SORL1-AS1: variants seen among roughly 807,000 people sequenced by gnomAD.
The protein encoded by SORL1-AS1 is SORL1 antisense RNA 1.
Position 121,452,472 on chromosome 11 carries a change from C to T in SORL1-AS1, n.339+203G>A. 2 of 1,505,904 alleles carry T rather than the reference C, an allele frequency of 1.3e-6. No individual in the cohort carries two copies. Among genetic ancestry groups the T allele is most frequent in the Non-Finnish European group, 8.9e-7 (1 of 1,128,402 alleles). The allele number at this position is 1,505,904 out of a possible 1,614,324, so 93.3% of individuals were successfully genotyped here. On this transcript the variant is annotated intron_variant and non_coding_transcript_variant, in intron 1 of 1. Transcript: ENST00000501964. This position sits in a 1 kb window ranked among gnomAD's most constrained non-coding sequence, Gnocchi z 5.3. Reference sequence around the variant, plus strand: ...GCGCGCCCTTGCCCCAGGACCGGGGCTTCCTCGTGGTGCAGGGCGACCCGC... The same window carrying T: ...GCGCGCCCTTGCCCCAGGACCGGGGTTTCCTCGTGGTGCAGGGCGACCCGC...
At chr11:121,445,400 C>G (rs889705031), downstream of SORL1-AS1, among the ~76,000 whole-genome samples, 2 of 152,174 alleles carry the variant, frequency 1.3e-5, no homozygotes, top group Non-Finnish European at 2.9e-5. Flanking sequence ...CCTGGCTGCA[C>G]GGCCTCCACG....
At chr11:121,441,830 C>G in the SORL1-AS1 span, among the ~76,000 whole-genome samples, 59 of 152,280 alleles carry the variant, frequency 3.9e-4, no homozygotes, top group East Asian at 0.011. Context: ...GAGAAACACA[C>G]TTTTGTCTTG....
At chr11:121,446,201 A>G (rs1366304112), downstream of SORL1-AS1, among the ~76,000 whole-genome samples, 43 of 152,146 alleles carry the variant, frequency 2.8e-4, no homozygotes, top group Non-Finnish European at 4.4e-4. Flanking sequence ...AGGGGAATAG[A>G]CTCCAAGACA....
At chr11:121,446,104 C>CG (rs1366622252), downstream of SORL1-AS1, among the ~76,000 whole-genome samples, 2 of 152,080 alleles carry the variant, frequency 1.3e-5, no homozygotes, top group African/African-American at 4.8e-5. Flanking sequence ...GTGTGAGGAG[C>CG]GGGGGTGGGG....
downstream of SORL1-AS1, among the ~76,000 whole-genome samples, chr11:121,445,339 C>T (rs920635112): frequency 8.5e-5 from 13 of 152,164 alleles, no homozygotes; most frequent in African/African-American, 2.9e-4. Flanking sequence ...ATTTGGAACA[C>T]GTGTTGTGGC....
the SORL1-AS1 span, among the ~76,000 whole-genome samples, chr11:121,438,200 T>C: frequency 6.6e-6 from 1 of 152,198 alleles, no homozygotes; most frequent in Admixed American, 6.5e-5. Flanking sequence ...ACTCCCAATT[T>C]GAACCGTCCA....
At position 121,452,150 on chromosome 11, in the gene SORL1-AS1, C is replaced by T; in HGVS notation, n.339+525G>A. Reference sequence around the variant, plus strand: ...CTGCGAGCCTCACACGTGACGGCGCCGCGCCGAACCGAGCGGGACCTGGCG... The same window carrying T: ...CTGCGAGCCTCACACGTGACGGCGCTGCGCCGAACCGAGCGGGACCTGGCG... On this transcript the variant is annotated intron_variant and non_coding_transcript_variant, in intron 1 of 1. Coordinates refer to ENST00000501964, the Ensembl canonical transcript of SORL1-AS1. This position sits in a 1 kb window ranked among gnomAD's most constrained non-coding sequence, Gnocchi z 5.3. 5.8e-6 allele frequency: 1 copy of T among 172,510 alleles called. No homozygotes were observed. Among genetic ancestry groups the T allele is most frequent in the Non-Finnish European group, 1.1e-5 (1 of 87,422 alleles). 10.7% of individuals were successfully genotyped at this position (172,510 alleles called of 1,614,324 possible).
chr11:121,448,428 A>G (rs1448974681), exon 2 of SORL1-AS1: 2 of 152,330 alleles, frequency 1.3e-5, no homozygotes, highest in East Asian at 1.9e-4. Flanking sequence ...GGTGAGGTCA[A>G]TGGTAGTTAT....
In SORL1-AS1 at chr11:121,452,637, C is replaced by A. The variant is rs756853319; in HGVS notation, n.339+38G>T. ...GACAGGTGAGCAGTTTTGCAACCCG[C>A]CTCCCTCCAGTTTTTTCCTCTCCCT... On this transcript the variant is annotated intron_variant and non_coding_transcript_variant, in intron 1 of 1. Coordinates refer to ENST00000501964, the Ensembl canonical transcript of SORL1-AS1. This position sits in a 1 kb window ranked among gnomAD's most constrained non-coding sequence, Gnocchi z 5.3. 23 of 1,438,766 alleles carry A rather than the reference C, an allele frequency of 1.6e-5. No homozygotes were observed. The East Asian group carries it at 6.2e-4, about 39-fold the overall frequency. The allele number at this position is 1,438,766 out of a possible 1,614,324, so 89.1% of individuals were successfully genotyped here. A position where few individuals can be genotyped will look rare whatever the true frequency, so the allele number is the denominator to read the frequency against.
rs1183079301 is a variant in SORL1-AS1, at chr11:121,452,931, A to G, written n.83T>C. ...GCAGCTTCATTTTACATCTGGATAA[A>G]AAACGGGCTTTCTTTAGTGTATCAT... is the stretch of plus-strand genomic sequence containing the variant. On this transcript the variant is annotated non_coding_transcript_exon_variant, in exon 1 of 2. Transcript: ENST00000501964. The surrounding 1 kb of genome is among the most constrained non-coding windows in gnomAD (Gnocchi z 5.3). 6.7e-6 allele frequency: 2 copies of G among 298,590 alleles called. No homozygotes were observed. The highest frequency in any genetic ancestry group is 1.2e-5 in the Non-Finnish European group (2 of 161,982). The allele number at this position is 298,590 out of a possible 1,614,324, so 18.5% of individuals were successfully genotyped here. A position where few individuals can be genotyped will look rare whatever the true frequency, so the allele number is the denominator to read the frequency against.
downstream of SORL1-AS1, among the ~76,000 whole-genome samples, chr11:121,444,259 T>C (rs1295226239): frequency 2.0e-5 from 3 of 152,256 alleles, no homozygotes; most frequent in Admixed American, 6.5e-5. Context: ...AATGGCCAAA[T>C]TGATTTACCA....
chr11:121,448,959 G>A (rs1172344460), exon 2 of SORL1-AS1: 1 of 152,170 alleles, frequency 6.6e-6, no homozygotes, highest in Non-Finnish European at 1.5e-5. Flanking sequence ...CATGTGAGAA[G>A]GCCACAGGAA....
At chr11:121,451,749 G>A (rs544763252) in intron 1 of SORL1-AS1, among the ~76,000 whole-genome samples, 1 of 152,298 alleles carries the variant, frequency 6.6e-6, no homozygotes, top group South Asian at 2.1e-4. Flanking sequence ...CAATAGAGCG[G>A]GTTCATCTGG....
chr11:121,442,524 A>C (rs1426159154), downstream of SORL1-AS1, among the ~76,000 whole-genome samples: 1 of 151,604 alleles, frequency 6.6e-6, no homozygotes, highest in South Asian at 2.1e-4. Context: ...GGTCCCAGCT[A>C]CTCAGGAGGC....
At chr11:121,443,373 T>C (rs1011220023), downstream of SORL1-AS1, among the ~76,000 whole-genome samples, 1 of 152,220 alleles carries the variant, frequency 6.6e-6, no homozygotes, top group African/African-American at 2.4e-5. Flanking sequence ...TACAGTGGCA[T>C]ATCTAAAATA....
At chr11:121,439,869 T>A in the SORL1-AS1 span, among the ~76,000 whole-genome samples, 1 of 152,256 alleles carries the variant, frequency 6.6e-6, no homozygotes, top group Admixed American at 6.5e-5. Flanking sequence ...TTGAATTTTT[T>A]AAAAATCAGT....
In SORL1-AS1 at chr11:121,450,805, C is replaced by T. The variant is rs932871354; in HGVS notation, n.340-906G>A. Among the ~76,000 whole-genome samples the T allele has an allele frequency of 2.0e-5, 3 of 151,972 alleles. No individual in the cohort carries two copies. The highest frequency in any genetic ancestry group is 6.6e-5 in the Admixed American group (1 of 15,252). On this transcript the variant is annotated intron_variant and non_coding_transcript_variant, in intron 1 of 1. Transcript: ENST00000501964. The surrounding 1 kb of genome is among the most constrained non-coding windows in gnomAD (Gnocchi z 5.2). ...ACATCATCTGACTTGGGGAGAAAAT[C>T]GGGTGTGGGAGGAGGTGGGAGAGTG...
chr11:121,445,448 C>T (rs1040872387), downstream of SORL1-AS1, among the ~76,000 whole-genome samples: 12 of 152,134 alleles, frequency 7.9e-5, no homozygotes, highest in Non-Finnish European at 1.5e-4. Context: ...ACGAGCTGGG[C>T]GCTCCACCCC....
downstream of SORL1-AS1, among the ~76,000 whole-genome samples, chr11:121,442,460 C>A (rs996128752): frequency 5.3e-5 from 8 of 151,726 alleles, no homozygotes; most frequent in African/African-American, 1.9e-4. Flanking sequence ...CATGGTGAAA[C>A]CCCTTCTCTA....
Sources: gnomAD v4.1 joint callset for allele counts (sites outside exome capture counted in the v4.1 genomes callset) on GRCh38, gnomAD v4.1.1 for gene constraint, Gnocchi (gnomAD v3.1) non-coding constraint, MANE v1.5 for transcripts, NCBI Gene and HGNC (gene_info 2026-07-23, HGNC 2026-07-21) for gene names.